CBLB: variants seen among roughly 807,000 people sequenced by gnomAD.
CBLB encodes E3 ubiquitin-protein ligase CBL-B.
CBLB carries 31 observed loss-of-function variants against 104.9 expected under a neutral mutation model. That is an observed-to-expected ratio of 0.30 (90% CI 0.22 to 0.40). The LOEUF is 0.40. CBLB is among the 10% of genes least tolerant of loss of function. The pLI is 1.00. For synonymous variants in CBLB, 440 were observed against 422.6 expected (o/e 1.04, Z -0.51); for missense variants, 1,062 against 1,214.6 (o/e 0.87, Z 1.87).
At chr3:105,684,233 A>C (rs892215545) in intron 14 of CBLB, among the ~76,000 whole-genome samples, 3 of 152,206 alleles carry the variant, frequency 2.0e-5, no homozygotes, top group African/African-American at 7.2e-5. Context: ...TCTATGTGCC[A>C]AGCATGGCCC....
chr3:105,808,705 G>C (rs1031562567), intron 3 of CBLB, among the ~76,000 whole-genome samples: 4 of 152,174 alleles, frequency 2.6e-5, no homozygotes, highest in South Asian at 2.1e-4. Context: ...CTGAAGAAGA[G>C]AATAGCATTA....
chr3:105,724,606 T>A (rs531799482), intron 9 of CBLB, among the ~76,000 whole-genome samples: 1 of 152,212 alleles, frequency 6.6e-6, no homozygotes, highest in East Asian at 1.9e-4. Context: ...AGAATAAATA[T>A]AATAAGAAAA....
In CBLB at chr3:105,670,362, A is replaced by G. The variant is rs751681842; in HGVS notation, c.2570-10T>C. On this transcript the variant is annotated splice_polypyrimidine_tract_variant and intron_variant, in intron 17 of 18. Coordinates refer to ENST00000394030, the MANE Select transcript of CBLB (RefSeq NM_170662.5). ...AGATCAACAAAGGGATCTTAAAAAT[A>G]AAAACAAGTTTCAAATTAAAAGGAT... 2 of 1,608,230 alleles carry G rather than the reference A, an allele frequency of 1.2e-6. No homozygotes were observed. The highest frequency in any genetic ancestry group is 8.5e-7 in the Non-Finnish European group (1 of 1,175,396).
intron 9 of CBLB, among the ~76,000 whole-genome samples, chr3:105,729,032 C>A (rs756779082): frequency 6.6e-6 from 1 of 152,098 alleles, no homozygotes; most frequent in East Asian, 1.9e-4. Flanking sequence ...CACTGCTGAG[C>A]AGAGTATGAT....
intron 3 of CBLB, among the ~76,000 whole-genome samples, chr3:105,846,468 A>G (rs1052185523): frequency 6.6e-6 from 1 of 152,146 alleles, no homozygotes; most frequent in African/African-American, 2.4e-5. Context: ...TACTATAGAA[A>G]CTACTACTAA....
intron 3 of CBLB, among the ~76,000 whole-genome samples, chr3:105,832,232 T>A (rs966532752): frequency 2.0e-5 from 3 of 152,150 alleles, no homozygotes; most frequent in African/African-American, 7.2e-5. Context: ...ACCTCTGTTA[T>A]AGCAATTTTG....
At chr3:105,781,538 G>A (rs2080251279) in intron 3 of CBLB, among the ~76,000 whole-genome samples, 1 of 145,768 alleles carries the variant, frequency 6.9e-6, no homozygotes, top group South Asian at 2.2e-4. Flanking sequence ...TTGACTTGAT[G>A]AATTAAATGA....
chr3:105,773,318 T>C (rs1450772851), intron 4 of CBLB, among the ~76,000 whole-genome samples: 1 of 152,170 alleles, frequency 6.6e-6, no homozygotes. Flanking sequence ...TTCTCACTTA[T>C]AAGTGGGAGC....
At chr3:105,776,637 G>A in intron 3 of CBLB, 95 bp from the exon 4 acceptor site, 2 of 1,161,844 alleles carry the variant, frequency 1.7e-6, no homozygotes, top group South Asian at 2.5e-5. Context: ...ACAATGTTAT[G>A]TATGTATCAA....
At chr3:105,823,227 T>A (rs1347879788) in intron 3 of CBLB, among the ~76,000 whole-genome samples, 1 of 152,196 alleles carries the variant, frequency 6.6e-6, no homozygotes, top group Non-Finnish European at 1.5e-5. Context: ...GAAACAGCTG[T>A]TTCTGTTAGG....
At chr3:105,677,350 TAAAA>T (rs59169680) in intron 17 of CBLB, among the ~76,000 whole-genome samples, 173 of 108,774 alleles carry the variant, frequency 1.6e-3, no homozygotes, top group African/African-American at 5.4e-3. Flanking sequence ...TCAAACCAAG[TAAAA>T]AAAAAAAAAA....
rs187068596 is a variant in CBLB at position 105,799,473 on chromosome 3, T to A, written c.420-22931A>T. Among the ~76,000 whole-genome samples the A allele has an allele frequency of 8.5e-5, 13 of 152,282 alleles. No individual in the cohort carries two copies. In the East Asian group the frequency reaches 2.5e-3, roughly 29 times the overall value. On this transcript the variant is annotated intron_variant, in intron 3 of 18. Coordinates refer to ENST00000394030, the MANE Select transcript of CBLB (RefSeq NM_170662.5). ...GTGTTTCAGTGCCTTTCATATAAAGTTATTCTATGCACAACTGGAAAACAC... is the reference window on the plus strand; with the variant it reads ...GTGTTTCAGTGCCTTTCATATAAAGATATTCTATGCACAACTGGAAAACAC...
chr3:105,775,854 T>A (rs778354499), intron 4 of CBLB, among the ~76,000 whole-genome samples: 7 of 152,186 alleles, frequency 4.6e-5, no homozygotes, highest in Non-Finnish European at 8.8e-5. Flanking sequence ...CACACATATA[T>A]AATCTCTATG....
intron 3 of CBLB, among the ~76,000 whole-genome samples, chr3:105,822,303 C>G (rs925851297): frequency 6.6e-6 from 1 of 152,100 alleles, no homozygotes; most frequent in Non-Finnish European, 1.5e-5. Flanking sequence ...AAATAAAATG[C>G]CTTAATGGTT....
In CBLB at chr3:105,747,871, A is replaced by G. The variant is rs2076257716; in HGVS notation, c.724-1833T>C. On this transcript the variant is annotated intron_variant, in intron 5 of 18. Transcript: ENST00000394030. ...CCAATGCACAGATCAAAATACAAGT[A>G]AAAAAATTAAGTTGGAGTTTTGAGC... Among the ~76,000 whole-genome samples, 4 of 152,294 alleles carry G rather than the reference A, an allele frequency of 2.6e-5. 1 individual carries two copies. In the South Asian group the frequency reaches 8.3e-4, roughly 32 times the overall value.
At chr3:105,759,347 C>A (rs2077387331) in intron 4 of CBLB, among the ~76,000 whole-genome samples, 1 of 152,172 alleles carries the variant, frequency 6.6e-6, no homozygotes, top group African/African-American at 2.4e-5. Flanking sequence ...GTGAACTCCA[C>A]CAGGAACTGA....
chr3:105,714,333 A>G (rs2071529130), intron 10 of CBLB, among the ~76,000 whole-genome samples: 1 of 152,194 alleles, frequency 6.6e-6, no homozygotes, highest in African/African-American at 2.4e-5. Context: ...AATGTGTTAC[A>G]TTTATTATGC....
intron 10 of CBLB, among the ~76,000 whole-genome samples, chr3:105,714,757 A>G (rs1385909159): frequency 6.6e-6 from 1 of 152,192 alleles, no homozygotes; most frequent in Non-Finnish European, 1.5e-5. Flanking sequence ...GACCCCTGCT[A>G]TAGAGACGTT....
chr3:105,771,405 G>A (rs1373732830), intron 4 of CBLB, among the ~76,000 whole-genome samples: 1 of 152,072 alleles, frequency 6.6e-6, no homozygotes, highest in African/African-American at 2.4e-5. Flanking sequence ...AGCCATATAT[G>A]TCAAATCTAT....
Sources: allele counts gnomAD v4.1 joint callset (sites outside exome capture counted in the v4.1 genomes callset), GRCh38; gene constraint gnomAD v4.1.1; transcripts MANE v1.5; gene names NCBI Gene and HGNC (gene_info 2026-07-23, HGNC 2026-07-21).